Variants in ARMC9 observed in about 807,000 individuals in gnomAD.
ARMC9 encodes armadillo repeat containing 9.
ARMC9 carries 94 observed loss-of-function variants against 107.0 expected under a neutral mutation model. The ratio of observed to expected loss-of-function variants is 0.88; its 90% CI spans 0.74 to 1.04. The LOEUF (loss-of-function observed/expected upper bound fraction) is 1.04, where lower values mean the gene tolerates loss of function less well. Among genes scored for constraint, ARMC9 ranks in the 50% least tolerant of loss-of-function variants. The pLI, the probability that ARMC9 is intolerant of heterozygous loss-of-function variation, is 0.00. For synonymous variants in ARMC9, 380 were observed against 396.9 expected, an observed-to-expected ratio of 0.96 and a Z score of 0.51; for missense variants, 942 against 1,030.1, an observed-to-expected ratio of 0.91 and a Z score of 1.17.
chr2:231,272,903 C>A, intron 13 of ARMC9, 52 bp from the exon 14 acceptor site: 1 of 1,591,392 alleles, frequency 6.3e-7, no homozygotes, highest in Non-Finnish European at 8.6e-7. Context: ...TTGTAGCATA[C>A]CAGATAAATT....
At chr2:231,339,603 G>T (rs182202513) in intron 20 of ARMC9, among the ~76,000 whole-genome samples, 1 of 152,042 alleles carries the variant, frequency 6.6e-6, no homozygotes, top group African/African-American at 2.4e-5. Context: ...TGCATGACCC[G>T]TTTTGTTATT....
chr2:231,241,475 G>A (rs2125374941), intron 9 of ARMC9, among the ~76,000 whole-genome samples: 1 of 152,166 alleles, frequency 6.6e-6, no homozygotes, highest in South Asian at 2.1e-4. Flanking sequence ...CGTGGGTGAA[G>A]CCCTGTGAAG....
chr2:231,371,467 C>T (rs1004577765), intron 24 of ARMC9, 46 bp from the exon 25 acceptor site: 35 of 1,270,138 alleles, frequency 2.8e-5, no homozygotes, highest in Non-Finnish European at 3.1e-5. Flanking sequence ...GGATTCTGTG[C>T]GGAGACCACA....
chr2:231,324,123 C>CTTTTTTTTTTTTTTTTTTTTTT (rs71296842), intron 19 of ARMC9, among the ~76,000 whole-genome samples: 2 of 89,270 alleles, frequency 2.2e-5, no homozygotes, highest in Admixed American at 1.5e-4. Context: ...TTGTAAAGTA[C>CTTTTTTTTTTTTTTTTTTTTTT]TTTTTTTTTT....
chr2:231,329,406 G>T (rs1039159976), intron 19 of ARMC9, among the ~76,000 whole-genome samples: 12 of 152,086 alleles, frequency 7.9e-5, no homozygotes, highest in African/African-American at 2.7e-4. Context: ...CGCCTCCTGG[G>T]TTCAAGTGAT....
intron 23 of ARMC9, among the ~76,000 whole-genome samples, chr2:231,363,020 C>T (rs2045654812): frequency 6.6e-6 from 1 of 152,162 alleles, no homozygotes; most frequent in Admixed American, 6.5e-5. Context: ...GCGTGCAGGG[C>T]CTGCTGGGTA....
At chr2:231,311,974 A>G (rs959617235) in intron 19 of ARMC9, among the ~76,000 whole-genome samples, 2 of 152,110 alleles carry the variant, frequency 1.3e-5, no homozygotes, top group African/African-American at 2.4e-5. Flanking sequence ...TGAAATTTAT[A>G]TAAATGGAGT....
intron 9 of ARMC9, among the ~76,000 whole-genome samples, chr2:231,245,836 C>T (rs1454136967): frequency 6.6e-6 from 1 of 152,128 alleles, no homozygotes; most frequent in African/African-American, 2.4e-5. Context: ...ACCCCCTGTT[C>T]CCCCTGGGCA....
At chr2:231,258,429 C>T (rs1215938240) in intron 10 of ARMC9, among the ~76,000 whole-genome samples, 1 of 152,082 alleles carries the variant, frequency 6.6e-6, no homozygotes, top group Non-Finnish European at 1.5e-5. Context: ...GATCCACCCG[C>T]ACAGGCCTCC....
rs1207909815 is a variant in ARMC9 at position 231,360,947 on chromosome 2, C to T, written c.2261+64C>T. ...GAGCTCTGGGAGTGGGCGCCCCACG[C>T]CGGATGCAGAGCACCCAGGAGACCT... is the stretch of plus-strand genomic sequence containing the variant. On this transcript the variant is annotated intron_variant, in intron 23 of 24. Transcript: ENST00000611582. This position sits in a 1 kb window ranked among gnomAD's most constrained non-coding sequence, Gnocchi z 4.7. The T allele has an allele frequency of 6.9e-6, 10 of 1,458,256 alleles. No homozygotes were observed. Among genetic ancestry groups the T allele is most frequent in the African/African-American group, 1.4e-5 (1 of 70,500 alleles). The allele number at this position is 1,458,256 out of a possible 1,614,324, so 90.3% of individuals were successfully genotyped here. A position where few individuals can be genotyped will look rare whatever the true frequency, so the allele number is the denominator to read the frequency against.
At chr2:231,283,959 C>T (rs2040404514) in intron 17 of ARMC9, among the ~76,000 whole-genome samples, 1 of 152,146 alleles carries the variant, frequency 6.6e-6, no homozygotes, top group Non-Finnish European at 1.5e-5. Flanking sequence ...CTACTAGGCT[C>T]ACGTGATCCT....
chr2:231,281,960 C>G, intron 16 of ARMC9, 99 bp from the exon 17 acceptor site: 1 of 1,156,428 alleles, frequency 8.6e-7, no homozygotes, highest in Non-Finnish European at 1.3e-6. Context: ...AACACCCACT[C>G]TCCCCATTTG....
chr2:231,262,913 C>T (rs1450554818), intron 12 of ARMC9, among the ~76,000 whole-genome samples: 4 of 152,204 alleles, frequency 2.6e-5, no homozygotes, highest in South Asian at 4.1e-4. Context: ...TACTCAGTCT[C>T]AGGCACCTCC....
Position 231,375,052 on chromosome 2 carries a change from A to G in ARMC9, c.*3517A>G, listed in dbSNP as rs1056679515. 3.9e-5 allele frequency among the ~76,000 whole-genome samples: 6 copies of G among 152,222 alleles called. No homozygotes were observed. Among genetic ancestry groups the G allele is most frequent in the Non-Finnish European group, 7.3e-5 (5 of 68,040 alleles). ...GAAGTGATTAGGTTAGCTTTTGCAT[A>G]TTAACAAACTACCTCTGAAACTTAG... On this transcript the variant is annotated 3_prime_UTR_variant, in exon 25 of 25. Transcript: ENST00000611582. The surrounding 1 kb of genome is among the most constrained non-coding windows in gnomAD (Gnocchi z 4.3).
intron 11 of ARMC9, among the ~76,000 whole-genome samples, chr2:231,261,200 G>A (rs2038306967): frequency 6.6e-6 from 1 of 152,152 alleles, no homozygotes; most frequent in Non-Finnish European, 1.5e-5. Context: ...AAAAAGCAAG[G>A]ATATTTGCTC....
chr2:231,350,601 A>C (rs2045018574), intron 21 of ARMC9, among the ~76,000 whole-genome samples: 1 of 149,374 alleles, frequency 6.7e-6, no homozygotes, highest in Non-Finnish European at 1.5e-5. Context: ...CAGCCTGGGC[A>C]ACAAAGTGAG....
chr2:231,233,669 G>A (rs1290497475), intron 7 of ARMC9, among the ~76,000 whole-genome samples: 2 of 151,960 alleles, frequency 1.3e-5, no homozygotes, highest in African/African-American at 4.8e-5. Flanking sequence ...CCAGCTACTC[G>A]GGAAGCTGAG....
intron 20 of ARMC9, among the ~76,000 whole-genome samples, chr2:231,339,333 A>G (rs2044349521): frequency 7.1e-6 from 1 of 141,706 alleles, no homozygotes; most frequent in African/African-American, 3.1e-5. Flanking sequence ...TGTCTTGTGA[A>G]AAAAAAAAAA....
chr2:231,363,807 C>T (rs919992854), intron 23 of ARMC9, among the ~76,000 whole-genome samples: 22 of 140,972 alleles, frequency 1.6e-4, no homozygotes, highest in Admixed American at 4.7e-4. Context: ...ATCGCTTGAA[C>T]TGGGAAGCAG....
Sources: allele counts gnomAD v4.1 joint callset (sites outside exome capture counted in the v4.1 genomes callset), GRCh38; gene constraint gnomAD v4.1.1; non-coding constraint Gnocchi (gnomAD v3.1); transcripts MANE v1.5; gene names NCBI Gene and HGNC (gene_info 2026-07-23, HGNC 2026-07-21).